TAF1: variants seen among roughly 807,000 people sequenced by gnomAD.
The protein encoded by TAF1 is TATA-box binding protein associated factor 1, also known as transcription initiation factor TFIID subunit 1.
Under a neutral mutation model 138.5 loss-of-function variants are expected in TAF1, and 2 were observed. The ratio of observed to expected loss-of-function variants is 0.01; its 90% CI spans 0.01 to 0.05. The LOEUF is 0.05. TAF1 is among the 10% of genes least tolerant of loss of function. The pLI, the probability that TAF1 is intolerant of heterozygous loss-of-function variation, is 1.00. For missense variants in TAF1, 709 were observed against 1,478.0 expected (o/e 0.48, Z 8.53); for synonymous variants, 437 against 503.2 (o/e 0.87, Z 1.76).
intron 8 of TAF1, 96 bp downstream of exon 8, chrX:71,379,127 T>G: frequency 1.2e-6 from 1 of 839,231 alleles, no homozygotes; most frequent in Non-Finnish European, 1.6e-6. Context: ...TTTTTTTTTT[T>G]TCGGTGAGAC....
intron 25 of TAF1, among the ~76,000 whole-genome samples, chrX:71,403,982 G>GT (rs1351525822): frequency 4.9e-5 from 5 of 101,625 alleles, no homozygotes; most frequent in Non-Finnish European, 4.0e-5. Context: ...ATGTTTTTGT[G>GT]TTTTTTCTCG....
intron 13 of TAF1, among the ~76,000 whole-genome samples, chrX:71,497,292 C>G (rs2039413855): frequency 8.9e-6 from 1 of 111,875 alleles, no homozygotes; most frequent in African/African-American, 3.3e-5. Context: ...TCGATTAGTT[C>G]TCCATCCTCT....
At chrX:71,369,143 C>A (rs937452767) in intron 3 of TAF1, among the ~76,000 whole-genome samples, 2 of 110,866 alleles carry the variant, frequency 1.8e-5, no homozygotes, top group South Asian at 7.6e-4. Context: ...AGCCACCACG[C>A]CCGGCCACAT....
chrX:71,384,423 T>C (rs2034089378), intron 13 of TAF1, among the ~76,000 whole-genome samples: 1 of 109,854 alleles, frequency 9.1e-6, no homozygotes, highest in Non-Finnish European at 1.9e-5. Flanking sequence ...ACTTTTTTTT[T>C]TTTTTTGAGA....
At chrX:71,416,318 C>T (rs1738101374) in intron 28 of TAF1, among the ~76,000 whole-genome samples, 1 of 92,696 alleles carries the variant, frequency 1.1e-5, no homozygotes, top group African/African-American at 3.9e-5. Flanking sequence ...CCTGGGAGAT[C>T]GAGGCTGCAG....
Position 71,519,799 on chromosome X carries a change from A to ATTGT in TAF1, c.1367-8724_1367-8721dup, listed in dbSNP as rs756663852. On this transcript the variant is annotated intron_variant and NMD_transcript_variant, in intron 13 of 14. Coordinates refer to the TAF1 transcript ENST00000373775. ...CTGGCAATTGTTCCTTGTTTTATTT[A>ATTGT]TTGTTTGTTTGTTTGTTTGTTTTTG... Among the ~76,000 whole-genome samples the ATTGT allele has an allele frequency of 7.2e-3, 798 of 111,018 alleles. 15 individuals carry two copies. The highest frequency in any genetic ancestry group is 0.054 in the East Asian group (190 of 3,499).
In TAF1 at chrX:71,404,425, C is replaced by T. The variant is rs762546395; in HGVS notation, c.3999-2213C>T. ...GGAGTGTGGCACACTGTAACCTCCACCTCCCCAGTTCAAGCAGTTCTCCTG... is the reference window on the plus strand; with the variant it reads ...GGAGTGTGGCACACTGTAACCTCCATCTCCCCAGTTCAAGCAGTTCTCCTG... On this transcript the variant is annotated intron_variant, in intron 25 of 37. Transcript: ENST00000423759. Among the ~76,000 whole-genome samples, 357 of 110,930 alleles carry T rather than the reference C, an allele frequency of 3.2e-3. 3 individuals carry two copies. Among genetic ancestry groups the T allele is most frequent in the African/African-American group, 0.011 (337 of 30,568 alleles).
intron 1 of TAF1, among the ~76,000 whole-genome samples, chrX:71,366,718 G>A (rs2032528618): frequency 1.8e-5 from 2 of 111,396 alleles, no homozygotes; most frequent in African/African-American, 6.5e-5. Context: ...GGCCAGGGGC[G>A]CAGGGAATAG....
In TAF1 at chrX:71,388,966, T is replaced by C. The variant is rs2034404508; in HGVS notation, c.2700+98T>C. On this transcript the variant is annotated intron_variant, in intron 17 of 37. Coordinates refer to ENST00000423759, the MANE Select transcript of TAF1 (RefSeq NM_004606.5). Reference sequence around the variant, plus strand: ...TGAGAGAGAAGATTCTTTCTCTGACTGGCTTAGGGAGGATGGTTTACTAGA... The same window carrying C: ...TGAGAGAGAAGATTCTTTCTCTGACCGGCTTAGGGAGGATGGTTTACTAGA... The C allele has an allele frequency of 3.0e-6, 3 of 996,801 alleles. No individual in the cohort carries two copies. In the East Asian group the frequency reaches 9.3e-5, roughly 31 times the overall value. The allele number at this position is 996,801 out of a possible 1,213,427, so 82.1% of individuals were successfully genotyped here.
intron 28 of TAF1, among the ~76,000 whole-genome samples, chrX:71,418,396 C>T (rs776103012): frequency 8.8e-6 from 1 of 113,003 alleles, no homozygotes; most frequent in African/African-American, 3.2e-5. Context: ...TGTGTCTGGC[C>T]TAAGCCAATA....
At chrX:71,474,839 C>T (rs1250745794) in intron 13 of TAF1, among the ~76,000 whole-genome samples, 1 of 111,552 alleles carries the variant, frequency 9.0e-6, no homozygotes, top group Non-Finnish European at 1.9e-5. Context: ...GAGAAAGAGC[C>T]ATCCGTGCAT....
At chrX:71,450,817 G>T (rs2037922566) in intron 32 of TAF1, among the ~76,000 whole-genome samples, 1 of 112,393 alleles carries the variant, frequency 8.9e-6, no homozygotes, top group Non-Finnish European at 1.9e-5. Context: ...TATATTAAAA[G>T]AACATTTTAA....
At chrX:71,374,101 T>G (rs1164893224) in intron 3 of TAF1, among the ~76,000 whole-genome samples, 2 of 111,041 alleles carry the variant, frequency 1.8e-5, no homozygotes, top group Non-Finnish European at 3.8e-5. Flanking sequence ...CTTTTTTTTT[T>G]TTGAGACAGT....
intron 32 of TAF1, among the ~76,000 whole-genome samples, chrX:71,449,029 G>GT (rs1202279243): frequency 3.7e-5 from 4 of 108,500 alleles, no homozygotes; most frequent in Non-Finnish European, 7.6e-5. Context: ...GAGAGCTCTT[G>GT]TTGCCCAGGC....
chrX:71,366,934 C>G (rs896347228), intron 1 of TAF1, among the ~76,000 whole-genome samples: 21 of 111,987 alleles, frequency 1.9e-4, no homozygotes, highest in African/African-American at 6.5e-4. Flanking sequence ...AGGCTTAGGA[C>G]AATGGGGTGT....
intron 25 of TAF1, among the ~76,000 whole-genome samples, chrX:71,402,642 G>C (rs1024990896): frequency 1.8e-5 from 2 of 112,211 alleles, no homozygotes; most frequent in Non-Finnish European, 3.8e-5. Context: ...TAATAAAATG[G>C]AGAAGTTGTA....
intron 29 of TAF1, 78 bp from the exon 30 acceptor site, chrX:71,423,039 G>C: frequency 8.5e-7 from 1 of 1,175,903 alleles, no homozygotes; most frequent in Admixed American, 2.3e-5. Flanking sequence ...ACCACGCCCG[G>C]CAAATTGTCC....
chrX:71,405,327 T>A (rs1484871099), intron 25 of TAF1, among the ~76,000 whole-genome samples: 8 of 110,803 alleles, frequency 7.2e-5, no homozygotes, highest in Non-Finnish European at 1.3e-4. Context: ...ACAGTTACAG[T>A]CATTTATGTG....
intron 29 of TAF1, among the ~76,000 whole-genome samples, chrX:71,421,744 TAACC>T (rs1449433029): frequency 8.9e-6 from 1 of 112,443 alleles, no homozygotes; most frequent in East Asian, 2.7e-4. Context: ...TTCATATTTT[TAACC>T]AACCAAGCAG....
Sources: allele counts gnomAD v4.1 joint callset (sites outside exome capture counted in the v4.1 genomes callset), GRCh38; gene constraint gnomAD v4.1.1; transcripts MANE v1.5; gene names NCBI Gene and HGNC (gene_info 2026-07-23, HGNC 2026-07-21).